BTNL2: variants seen among roughly 807,000 people sequenced by gnomAD.
BTNL2 encodes butyrophilin-like protein 2.
A neutral mutation model predicts 46.8 loss-of-function variants in BTNL2; 46 were observed. The observed-to-expected ratio is 0.98, with a 90% CI of 0.78 to 1.26. The LOEUF (loss-of-function observed/expected upper bound fraction) is 1.26. Ranked by LOEUF, BTNL2 falls within the 50% of genes most tolerant of loss-of-function variation. BTNL2 has a pLI of 0.00. For synonymous variants in BTNL2, 226 were observed against 229.1 expected, an observed-to-expected ratio of 0.99 and a Z score of 0.12; for missense variants, 461 against 592.6, an observed-to-expected ratio of 0.78 and a Z score of 2.31.
At position 32,394,715 on chromosome 6, in the gene BTNL2, A is replaced by C; in HGVS notation, c.1360+29T>G. 6.3e-7 allele frequency: 1 copy of C among 1,588,830 alleles called. No individual in the cohort carries two copies. Among genetic ancestry groups the C allele is most frequent in the Non-Finnish European group, 8.6e-7 (1 of 1,164,532 alleles). On this transcript the variant is annotated intron_variant, in intron 6 of 7. Transcript: ENST00000454136. The surrounding 1 kb of genome is among the most constrained non-coding windows in gnomAD (Gnocchi z 4.6). Reference sequence around the variant, plus strand: ...AGTTGGTCTTCATATTTATTTTCCAAACCTGAAGGAACATAAGGAATCACC... The same window carrying C: ...AGTTGGTCTTCATATTTATTTTCCACACCTGAAGGAACATAAGGAATCACC...
chr6:32,402,179 A>G (rs2150318182), intron 3 of BTNL2, among the ~76,000 whole-genome samples: 1 of 152,388 alleles, frequency 6.6e-6, no homozygotes, highest in Middle Eastern at 3.4e-3. Flanking sequence ...GAGACGAATT[A>G]TATGTAATAT....
chr6:32,406,513 T>C (rs920567018), intron 1 of BTNL2: 2 of 61,484 alleles, frequency 3.3e-5, no homozygotes, highest in South Asian at 5.5e-4. Flanking sequence ...CTGACACTGA[T>C]TTTTTTTTTT....
intron 4 of BTNL2, among the ~76,000 whole-genome samples, chr6:32,401,191 G>C (rs1476773235): frequency 7.9e-5 from 8 of 100,712 alleles, no homozygotes; most frequent in African/African-American, 2.9e-4. Context: ...CTGGGCGACA[G>C]AGCAAGACTC....
In BTNL2 at chr6:32,396,873, A is replaced by G. The variant is rs567923497; in HGVS notation, c.731-487T>C. Among the ~76,000 whole-genome samples the G allele has an allele frequency of 0.011, 1,723 of 151,956 alleles. 54 individuals carry two copies. The highest frequency in any genetic ancestry group is 0.099 in the East Asian group (501 of 5,048). On this transcript the variant is annotated intron_variant, in intron 4 of 7. Transcript: ENST00000454136. The surrounding 1 kb of genome is among the most constrained non-coding windows in gnomAD (Gnocchi z 4.4). ...TGGGTGCCTGTAATCCCAGCTACTC[A>G]GGAGGCTGAGGTGGAAAAATTGCTC...
At chr6:32,404,721 A>G (rs1312879621) in intron 2 of BTNL2, among the ~76,000 whole-genome samples, 1 of 152,234 alleles carries the variant, frequency 6.6e-6, no homozygotes, top group African/African-American at 2.4e-5. Context: ...AATAATCCTC[A>G]AGAACAGTCA....
At position 32,394,423 on chromosome 6, in the gene BTNL2, C is replaced by CA. The variant is rs1776316082; in HGVS notation, c.1360+320dup. Reference sequence around the variant, plus strand: ...AAAATCCTCCATGAGGGGGAAAACACAAAGTTCTGTAATTTAATTGTTTTC... The same window carrying CA: ...AAAATCCTCCATGAGGGGGAAAACACAAAAGTTCTGTAATTTAATTGTTTTC... On this transcript the variant is annotated intron_variant, in intron 6 of 7. Transcript: ENST00000454136. The surrounding 1 kb of genome is among the most constrained non-coding windows in gnomAD (Gnocchi z 4.6). 6.6e-6 allele frequency among the ~76,000 whole-genome samples: 1 copy of CA among 152,102 alleles called. No homozygotes were observed. Among genetic ancestry groups the CA allele is most frequent in the African/African-American group, 2.4e-5 (1 of 41,392 alleles).
chr6:32,401,866 A>AT lies in BTNL2; in HGVS notation c.710-62dup. 3.4e-6 allele frequency: 5 copies of AT among 1,484,916 alleles called. No individual in the cohort carries two copies. In the South Asian group the frequency reaches 6.1e-5, roughly 18 times the overall value. The allele number at this position is 1,484,916 out of a possible 1,614,324, so 92.0% of individuals were successfully genotyped here. A position where few individuals can be genotyped will look rare whatever the true frequency, so the allele number is the denominator to read the frequency against. Reference sequence around the variant, plus strand: ...TGGTGTAAGGGAAAGGAGAGAAACTATTTTTTAAAAAAGAAAGCAATTTAT... The same window carrying AT: ...TGGTGTAAGGGAAAGGAGAGAAACTATTTTTTTAAAAAAGAAAGCAATTTAT... On this transcript the variant is annotated intron_variant, in intron 3 of 7. Coordinates refer to ENST00000454136, the MANE Select transcript of BTNL2 (RefSeq NM_001304561.2).
rs1776624125 is a variant in BTNL2 at position 32,399,377 on chromosome 6, A to C, written c.730+2408T>G. Among the ~76,000 whole-genome samples the C allele has an allele frequency of 6.6e-6, 1 of 152,244 alleles. No individual in the cohort carries two copies. The highest frequency in any genetic ancestry group is 6.5e-5 in the Admixed American group (1 of 15,288). ...TTCCTTGAAACCTGATAATCTCATC[A>C]TCATACCACATAATCCTCTTTCAAT... On this transcript the variant is annotated intron_variant, in intron 4 of 7. Transcript: ENST00000454136. The surrounding 1 kb of genome is among the most constrained non-coding windows in gnomAD (Gnocchi z 5.2).
chr6:32,405,435 G>T, intron 1 of BTNL2, 149 bp from the exon 2 acceptor site: 1 of 832,242 alleles, frequency 1.2e-6, no homozygotes, highest in Non-Finnish European at 2.0e-6. Flanking sequence ...ATGATGATTT[G>T]CACATCTGTT....
At chr6:32,400,605 G>A (rs1358092617) in intron 4 of BTNL2, among the ~76,000 whole-genome samples, 1 of 151,802 alleles carries the variant, frequency 6.6e-6, no homozygotes, top group Non-Finnish European at 1.5e-5. Flanking sequence ...GTCCAACTCC[G>A]AGATTTAAAA....
rs770703868 is a variant in BTNL2 at position 32,403,111 on chromosome 6, T to C, written c.533A>G (p.Glu178Gly). ...CAGCAGCTTCTCTCCCCGGATGTCT[T>C]CCCAATACACCTGGGGCTCTGGGAA... is the stretch of plus-strand genomic sequence containing the variant. ...GWFPEPQVYWEDIRGEKLLAV... is the reference protein window; with the variant it reads ...GWFPEPQVYWGDIRGEKLLAV... Residue 178 changes from glutamate (E) to glycine (G), a missense_variant, in exon 3 of 8, where the codon GAA (glutamate) becomes GGA (glycine). Physicochemically the swap from Glu to Gly is moderately conservative, Grantham distance 98. Coordinates refer to ENST00000454136, the MANE Select transcript of BTNL2 (RefSeq NM_001304561.2). The C allele has an allele frequency of 1.9e-6, 3 of 1,612,844 alleles. No homozygotes were observed. The South Asian group carries it at 3.3e-5, about 18-fold the overall frequency.
At chr6:32,395,139 T>A in intron 5 of BTNL2, 114 bp from the exon 6 acceptor site, 2 of 1,074,852 alleles carry the variant, frequency 1.9e-6, no homozygotes, top group Non-Finnish European at 2.6e-6. Flanking sequence ...GAGAAAAGCT[T>A]AAGGGGGATT....
Position 32,393,974 on chromosome 6 carries a change from T to C in BTNL2, c.1444A>G (p.Ser482Gly), listed in dbSNP as rs888154840. Residue 482 changes from serine (S) to glycine (G), a missense_variant, in exon 7 of 8, where the codon AGC (serine) becomes GGC (glycine). Transcript: ENST00000454136. The surrounding 1 kb of genome is among the most constrained non-coding windows in gnomAD (Gnocchi z 4.8). ...TTTCCCTGACTTACCTCTTTTCAGC[T>C]CCTCTTCCTGGGCAGGCCTACAGCC... ...AVAVGLPRKRS is the reference protein window; with the variant it reads ...AVAVGLPRKRG The C allele has an allele frequency of 9.7e-6, 15 of 1,550,018 alleles. No homozygotes were observed. The African/African-American group carries it at 2.1e-4, about 21-fold the overall frequency.
Position 32,396,115 on chromosome 6 carries a change from C to T in BTNL2, c.1002G>A (p.Ser334=), listed in dbSNP as rs144294426. Residue 334 remains serine (S), a synonymous_variant, in exon 5 of 8, where the codon TCG becomes TCA. Transcript: ENST00000454136. The surrounding 1 kb of genome is among the most constrained non-coding windows in gnomAD (Gnocchi z 4.4). The stretch of plus-strand genomic sequence containing the variant: ...AAAGGCAGCGGTACTGCCCGTCGTC[C>T]GAAGGTCTGGCACTGAGTATCTGCA... ...LTLQILSARP[S]DDGQYRCLFE... is the part of the protein sequence containing the mutation. 87 of 1,613,080 alleles carry T rather than the reference C, an allele frequency of 5.4e-5. No homozygotes were observed. The Admixed American group carries it at 9.8e-4, about 18-fold the overall frequency.
Position 32,394,937 on chromosome 6 carries a change from C to G in BTNL2, c.1167G>C (p.Gln389His). Residue 389 changes from glutamine to histidine, a missense_variant, in exon 6 of 8, where the codon CAG becomes CAC. Transcript: ENST00000454136. The surrounding 1 kb of genome is among the most constrained non-coding windows in gnomAD (Gnocchi z 4.6). ...PMCSSDGWFP[Q>H]PHVPWRDMEG... Reference sequence around the variant, plus strand: ...CCATGTCCCTCCATGGCACGTGGGGCTGTGGGAACCACCCATCTGAAGAGC... The same window carrying G: ...CCATGTCCCTCCATGGCACGTGGGGGTGTGGGAACCACCCATCTGAAGAGC... 1 of 1,614,152 alleles carries G rather than the reference C, an allele frequency of 6.2e-7. No individual in the cohort carries two copies. Among genetic ancestry groups the G allele is most frequent in the South Asian group, 1.1e-5 (1 of 91,078 alleles).
rs147864180 is a variant in BTNL2 at position 32,395,268 on chromosome 6, A to C, written c.1079-243T>G. On this transcript the variant is annotated intron_variant, in intron 5 of 7. Transcript: ENST00000454136. ...GATTAAGAGGTAAGGTAAATGTTCA[A>C]ATCCAACATTTATTCTGTCCCTGAG... Among the ~76,000 whole-genome samples, 807 of 152,334 alleles carry C rather than the reference A, an allele frequency of 5.3e-3. 10 individuals carry two copies. Among genetic ancestry groups the C allele is most frequent in the African/African-American group, 0.018 (762 of 41,556 alleles).
rs547664101 is a variant in BTNL2, at chr6:32,398,347, G to A, written c.731-1961C>T. ...AAACTGCCAGCTACCTTTGTAGAGA[G>A]GAAAGTCCCTGTCAACACAATTTGA... On this transcript the variant is annotated intron_variant, in intron 4 of 7. Transcript: ENST00000454136. 7.6e-4 allele frequency among the ~76,000 whole-genome samples: 116 copies of A among 152,188 alleles called. 1 individual carries two copies. The highest frequency in any genetic ancestry group is 1.4e-3 in the Non-Finnish European group (95 of 68,040).
chr6:32,406,060 T>C (rs556200738), intron 1 of BTNL2: 1 of 152,902 alleles, frequency 6.5e-6, no homozygotes, highest in Non-Finnish European at 1.5e-5. Context: ...ATGTCATGTA[T>C]GATATGTTCT....
chr6:32,405,167 G>A lies in BTNL2; in HGVS notation c.199C>T (p.Arg67Cys), dbSNP rs532711374. 41 of 1,613,032 alleles carry A rather than the reference G, an allele frequency of 2.5e-5. No individual in the cohort carries two copies. In the East Asian group the frequency reaches 5.1e-4, roughly 20 times the overall value. The change falls in exon 2 of 8, where the codon CGC (arginine) becomes TGC (cysteine). Residue 67 changes from arginine (R) to cysteine (C), a missense_variant. Coordinates refer to ENST00000454136, the MANE Select transcript of BTNL2 (RefSeq NM_001304561.2). ...TTMHVEVRWY[R>C]SEPSTPVFVH... Reference sequence around the variant, plus strand: ...AACACAGGTGTGCTGGGCTCTGAGCGGTACCACCTCACCTCCACGTGCATT... The same window carrying A: ...AACACAGGTGTGCTGGGCTCTGAGCAGTACCACCTCACCTCCACGTGCATT...
Sources: allele counts gnomAD v4.1 joint callset (sites outside exome capture counted in the v4.1 genomes callset), GRCh38; gene constraint gnomAD v4.1.1; non-coding constraint Gnocchi (gnomAD v3.1); transcripts MANE v1.5; gene names NCBI Gene and HGNC (gene_info 2026-07-23, HGNC 2026-07-21).